Variants in PPP6R2 observed in about 807,000 individuals in gnomAD.
PPP6R2 encodes protein phosphatase 6 regulatory subunit 2.
PPP6R2 carries 62 observed loss-of-function variants against 100.2 expected under a neutral mutation model. The ratio of observed to expected loss-of-function variants is 0.62; its 90% CI spans 0.50 to 0.76. The LOEUF (loss-of-function observed/expected upper bound fraction) is 0.76, where lower values mean the gene tolerates loss of function less well. Ranked by LOEUF, PPP6R2 falls within the 30% of genes least tolerant of loss-of-function variation. The pLI is 0.00. For synonymous variants in PPP6R2, 525 were observed against 514.7 expected (o/e 1.02, Z -0.27); for missense variants, 1,142 against 1,276.3 (o/e 0.89, Z 1.60).
At chr22:50,416,290 C>T (rs2060521397) in intron 6 of PPP6R2, 133 bp downstream of exon 6, 2 of 716,746 alleles carry the variant, frequency 2.8e-6, no homozygotes, top group South Asian at 4.4e-5. Context: ...AGGTACTTTT[C>T]TTTCTTTAAT....
At chr22:50,372,830 A>C (rs2148539977) in intron 2 of PPP6R2, among the ~76,000 whole-genome samples, 1 of 151,864 alleles carries the variant, frequency 6.6e-6, no homozygotes, top group South Asian at 2.1e-4. Flanking sequence ...CTGGGACTAC[A>C]GGCACGCACC....
intron 2 of PPP6R2, 32 bp from the exon 3 acceptor site, chr22:50,393,861 G>T (rs760140579): frequency 1.5e-5 from 24 of 1,611,828 alleles, no homozygotes; most frequent in Non-Finnish European, 1.9e-5. Context: ...TTGCAAGGGT[G>T]AGAGACGTGA....
chr22:50,339,572 AGTGTGTGTGTG>A (rs1341239337), upstream of PPP6R2, among the ~76,000 whole-genome samples: 1 of 35,294 alleles, frequency 2.8e-5, no homozygotes, highest in Admixed American at 3.4e-4. Flanking sequence ...TGTGGTATGT[AGTGTGTGTGTG>A]GTGTGTGTGG....
At chr22:50,439,640 C>T in intron 19 of PPP6R2, 61 bp from the exon 20 acceptor site, 1 of 1,464,294 alleles carries the variant, frequency 6.8e-7, no homozygotes, top group African/African-American at 1.4e-5. Context: ...GCGCTGCCTC[C>T]CCTTTGCCTG....
At chr22:50,427,626 C>T (rs1383743900) in intron 10 of PPP6R2, among the ~76,000 whole-genome samples, 1 of 152,218 alleles carries the variant, frequency 6.6e-6, no homozygotes, top group Non-Finnish European at 1.5e-5. Flanking sequence ...AATCTCGGCT[C>T]ACCGCAACCT....
In PPP6R2 at chr22:50,444,433, T is replaced by C; in HGVS notation, c.*186T>C. 1.4e-6 allele frequency: 1 copy of C among 728,932 alleles called. No individual in the cohort carries two copies. The highest frequency in any genetic ancestry group is 2.2e-6 in the Non-Finnish European group (1 of 461,780). 45.2% of individuals were successfully genotyped at this position (728,932 alleles called of 1,614,324 possible). On this transcript the variant is annotated 3_prime_UTR_variant, in exon 24 of 24. Coordinates refer to ENST00000612753, the MANE Select transcript of PPP6R2 (RefSeq NM_001242898.2). ...TGCGTCTCTTCTGCCTGAGTGGGCC[T>C]CTCAGGTCACTCGTGCCCTGCTGGA... is the stretch of plus-strand genomic sequence containing the variant.
At chr22:50,358,073 A>G (rs923820817) in intron 1 of PPP6R2, among the ~76,000 whole-genome samples, 13 of 151,860 alleles carry the variant, frequency 8.6e-5, no homozygotes, top group African/African-American at 2.9e-4. Flanking sequence ...CAGCCTCCCA[A>G]GTAGCTAGGA....
chr22:50,377,736 C>T (rs1458426692), intron 2 of PPP6R2, among the ~76,000 whole-genome samples: 6 of 151,808 alleles, frequency 4.0e-5, no homozygotes, highest in Non-Finnish European at 5.9e-5. Flanking sequence ...AGGCCAGGCG[C>T]GGTGGCTGAC....
intron 4 of PPP6R2, among the ~76,000 whole-genome samples, chr22:50,412,340 C>T (rs2059869143): frequency 2.0e-5 from 3 of 151,258 alleles, no homozygotes; most frequent in Admixed American, 6.6e-5. Flanking sequence ...TACAGCCACC[C>T]ACCACCACGT....
At chr22:50,435,690 T>G (rs532875707) in intron 13 of PPP6R2, among the ~76,000 whole-genome samples, 50 of 152,254 alleles carry the variant, frequency 3.3e-4, no homozygotes, top group African/African-American at 1.2e-3. Context: ...ACTCCTGGGT[T>G]GGGCTCCATT....
At chr22:50,338,205 C>T in the PPP6R2 span, among the ~76,000 whole-genome samples, 8 of 77,360 alleles carry the variant, frequency 1.0e-4, no homozygotes, top group Non-Finnish European at 2.0e-4. Context: ...TAGTGTGTGT[C>T]GGGGGTGTGT....
rs761710121 is a variant in PPP6R2 at position 50,414,557 on chromosome 22, T to C, written c.420T>C (p.Ile140=). 1 of 1,613,912 alleles carries C rather than the reference T, an allele frequency of 6.2e-7. No homozygotes were observed. The highest frequency in any genetic ancestry group is 8.5e-7 in the Non-Finnish European group (1 of 1,179,888). The change falls in exon 5 of 24, where the codon ATT becomes ATC. Residue 140 remains isoleucine (I), a synonymous_variant. Transcript: ENST00000612753. ...TCAGGTGTGTGTGATTTCAGGTGAT[T>C]ACGTTTTTGAAGAAGAAGGACAAGT... ...NLIARKTEQV[I]TFLKKKDKFI... is the part of the protein sequence containing the mutation.
chr22:50,422,668 C>T (rs1014319981), intron 9 of PPP6R2, among the ~76,000 whole-genome samples: 3 of 152,144 alleles, frequency 2.0e-5, no homozygotes, highest in African/African-American at 7.2e-5. Context: ...AAGGGGTGCT[C>T]GGCTCCTGAG....
At chr22:50,434,289 T>C (rs1197229736) in intron 12 of PPP6R2, among the ~76,000 whole-genome samples, 5 of 31,336 alleles carry the variant, frequency 1.6e-4, no homozygotes, top group African/African-American at 5.3e-4. Context: ...GCCGGGGGCA[T>C]GGATGCTGGG....
rs2042654256 is a variant in PPP6R2 at position 50,343,496 on chromosome 22, C to G, written c.-202C>G. The G allele has an allele frequency of 6.6e-6, 1 of 151,032 alleles. No individual in the cohort carries two copies. Among genetic ancestry groups the G allele is most frequent in the African/African-American group, 2.4e-5 (1 of 41,278 alleles). The allele number at this position is 151,032 out of a possible 1,614,324, so 9.4% of individuals were successfully genotyped here. On this transcript the variant is annotated 5_prime_UTR_variant, in exon 1 of 24. Transcript: ENST00000612753. ...CTCCACCAGCGCCCTGGCCTCCGCT[C>G]GGGCCTCCACACGGGCCTCCGAAGA...
intron 3 of PPP6R2, among the ~76,000 whole-genome samples, chr22:50,400,722 C>G (rs1295479015): frequency 6.6e-6 from 1 of 152,126 alleles, no homozygotes; most frequent in Non-Finnish European, 1.5e-5. Context: ...AAAATATTGA[C>G]TCTAAGGGAA....
In PPP6R2 at chr22:50,355,902, AAC is replaced by A. The variant is rs200631756; in HGVS notation, c.-148+12356_-148+12357del. Among the ~76,000 whole-genome samples, 1,235 of 151,524 alleles carry A rather than the reference AAC, an allele frequency of 8.2e-3. 23 individuals are homozygous for A. Among genetic ancestry groups the A allele is most frequent in the African/African-American group, 0.028 (1,162 of 41,302 alleles). ...TTTCTCTTTTAAAAAGTGTACACATAACACATAATTGTATATATTTATGGGGT... is the reference window on the plus strand; with the variant it reads ...TTTCTCTTTTAAAAAGTGTACACATAACATAATTGTATATATTTATGGGGT... On this transcript the variant is annotated intron_variant, in intron 1 of 23. Transcript: ENST00000612753.
At chr22:50,441,747 A>G (rs1284090206) in intron 22 of PPP6R2, among the ~76,000 whole-genome samples, 1 of 152,124 alleles carries the variant, frequency 6.6e-6, no homozygotes, top group African/African-American at 2.4e-5. Context: ...CCCCTCCAGC[A>G]AGCTGAACCC....
At chr22:50,332,920 T>A in the PPP6R2 span, among the ~76,000 whole-genome samples, 13 of 152,256 alleles carry the variant, frequency 8.5e-5, no homozygotes, top group East Asian at 3.9e-4. Flanking sequence ...CCACAACCAG[T>A]CCTAAATTCT....
Sources: gnomAD v4.1 joint callset for allele counts (sites outside exome capture counted in the v4.1 genomes callset) on GRCh38, gnomAD v4.1.1 for gene constraint, MANE v1.5 for transcripts, NCBI Gene and HGNC (gene_info 2026-07-23, HGNC 2026-07-21) for gene names.